Variants in PPARGC1A observed in about 807,000 individuals in gnomAD.
PPARGC1A encodes peroxisome proliferator-activated receptor gamma coactivator 1-alpha.
A neutral mutation model predicts 88.7 loss-of-function variants in PPARGC1A; 25 were observed. The ratio of observed to expected loss-of-function variants is 0.28; its 90% CI spans 0.21 to 0.39. The LOEUF (loss-of-function observed/expected upper bound fraction) is 0.39. PPARGC1A is among the 10% of genes least tolerant of loss of function. PPARGC1A has a pLI of 1.00. For synonymous variants in PPARGC1A, 363 were observed against 355.6 expected (o/e 1.02, Z -0.24); for missense variants, 880 against 968.7 (o/e 0.91, Z 1.22).
At chr4:23,977,320 G>A in the PPARGC1A span, among the ~76,000 whole-genome samples, 1 of 152,140 alleles carries the variant, frequency 6.6e-6, no homozygotes, top group Non-Finnish European at 1.5e-5. Flanking sequence ...CCACCCAGTA[G>A]CTTTCCCAGC....
At chr4:24,430,219 C>T in the PPARGC1A span, among the ~76,000 whole-genome samples, 1 of 151,168 alleles carries the variant, frequency 6.6e-6, no homozygotes, top group Non-Finnish European at 1.5e-5. Flanking sequence ...AACACTAGCC[C>T]TTTCTATGTG....
chr4:24,263,322 T>G, the PPARGC1A span, among the ~76,000 whole-genome samples: 1 of 152,178 alleles, frequency 6.6e-6, no homozygotes, highest in Non-Finnish European at 1.5e-5. Context: ...CGAGAGTGCA[T>G]GGACAGTTGT....
chr4:24,312,905 A>T, the PPARGC1A span, among the ~76,000 whole-genome samples: 1 of 152,200 alleles, frequency 6.6e-6, no homozygotes, highest in African/African-American at 2.4e-5. Context: ...CAGAACAAAA[A>T]TTAAAACAGT....
At chr4:24,214,341 C>T in the PPARGC1A span, among the ~76,000 whole-genome samples, 6 of 152,314 alleles carry the variant, frequency 3.9e-5, no homozygotes, top group African/African-American at 1.2e-4. Flanking sequence ...CAGTATTGCA[C>T]ATTCTTTTCC....
the PPARGC1A span, among the ~76,000 whole-genome samples, chr4:24,354,679 G>A: frequency 1.3e-5 from 2 of 152,082 alleles, no homozygotes; most frequent in East Asian, 3.9e-4. Context: ...GAGGTCAGGA[G>A]ATCAAGACCA....
At chr4:24,110,964 C>T in the PPARGC1A span, among the ~76,000 whole-genome samples, 2 of 152,144 alleles carry the variant, frequency 1.3e-5, no homozygotes, top group Admixed American at 6.5e-5. Flanking sequence ...GGTCATTCTA[C>T]ATAAATAACT....
At chr4:24,109,502 T>C in the PPARGC1A span, among the ~76,000 whole-genome samples, 3 of 152,208 alleles carry the variant, frequency 2.0e-5, no homozygotes, top group Admixed American at 1.3e-4. Context: ...GATAAATATT[T>C]GTTGAACAAA....
chr4:24,218,692 C>T, the PPARGC1A span, among the ~76,000 whole-genome samples: 14 of 152,192 alleles, frequency 9.2e-5, no homozygotes, highest in Non-Finnish European at 1.5e-4. Flanking sequence ...CAGCTCTGGC[C>T]CAGACTTCCA....
the PPARGC1A span, among the ~76,000 whole-genome samples, chr4:24,036,994 T>C: frequency 6.6e-6 from 1 of 152,188 alleles, no homozygotes; most frequent in Non-Finnish European, 1.5e-5. Context: ...TTTACAAGCA[T>C]GTCTCAAGAG....
At chr4:24,254,365 G>A in the PPARGC1A span, among the ~76,000 whole-genome samples, 4 of 152,204 alleles carry the variant, frequency 2.6e-5, no homozygotes, top group Non-Finnish European at 4.4e-5. Context: ...TCTGGAGCCT[G>A]TCTTTTCAGA....
At chr4:24,329,792 G>T in the PPARGC1A span, among the ~76,000 whole-genome samples, 1 of 152,212 alleles carries the variant, frequency 6.6e-6, no homozygotes, top group Non-Finnish European at 1.5e-5. Flanking sequence ...TAGGTCAAAT[G>T]CACAAATGAA....
the PPARGC1A span, among the ~76,000 whole-genome samples, chr4:24,414,717 G>A: frequency 6.6e-6 from 1 of 152,164 alleles, no homozygotes; most frequent in Admixed American, 6.5e-5. Flanking sequence ...GAAGCACTGT[G>A]CACCAGCTCT....
chr4:23,997,497 C>CTTTTTTTTTTTTT, the PPARGC1A span, among the ~76,000 whole-genome samples: 1 of 96,954 alleles, frequency 1.0e-5, no homozygotes, highest in African/African-American at 3.8e-5. Flanking sequence ...CAAGAAAGCC[C>CTTTTTTTTTTTTT]TTTTTTTTTT....
At chr4:24,237,047 C>T in the PPARGC1A span, among the ~76,000 whole-genome samples, 4 of 152,154 alleles carry the variant, frequency 2.6e-5, no homozygotes, top group Non-Finnish European at 5.9e-5. Flanking sequence ...GTGCCAAAAA[C>T]ATGTAAATTC....
At chr4:24,255,615 C>T in the PPARGC1A span, among the ~76,000 whole-genome samples, 3 of 152,154 alleles carry the variant, frequency 2.0e-5, no homozygotes, top group African/African-American at 7.2e-5. Context: ...GAAGCTATAC[C>T]TGTATTTTCT....
chr4:24,210,820 G>A, the PPARGC1A span, among the ~76,000 whole-genome samples: 4 of 152,146 alleles, frequency 2.6e-5, no homozygotes, highest in Non-Finnish European at 5.9e-5. Flanking sequence ...CGGGAGCTGC[G>A]GCGCCTTCAA....
At chr4:23,924,493 G>A in the PPARGC1A span, among the ~76,000 whole-genome samples, 1 of 152,072 alleles carries the variant, frequency 6.6e-6, no homozygotes, top group African/African-American at 2.4e-5. Context: ...GGGCATGGTG[G>A]TGCCTGTAGT....
the PPARGC1A span, among the ~76,000 whole-genome samples, chr4:24,232,266 A>G: frequency 1.3e-5 from 2 of 152,038 alleles, no homozygotes; most frequent in African/African-American, 4.8e-5. Context: ...GATTCTTTGT[A>G]CAAGGGAAGT....
the PPARGC1A span, among the ~76,000 whole-genome samples, chr4:24,105,939 A>G: frequency 1.3e-5 from 2 of 152,146 alleles, no homozygotes. Context: ...CATTTTGGAG[A>G]GTGCTGCAAT....
Sources: allele counts gnomAD v4.1 joint callset (sites outside exome capture counted in the v4.1 genomes callset), GRCh38; gene constraint gnomAD v4.1.1; transcripts MANE v1.5; gene names NCBI Gene and HGNC (gene_info 2026-07-23, HGNC 2026-07-21).